Variants in DIAPH1 observed in about 807,000 individuals in gnomAD.
DIAPH1 encodes the protein protein diaphanous homolog 1.
Under a neutral mutation model 140.7 loss-of-function variants are expected in DIAPH1, and 46 were observed. The ratio of observed to expected loss-of-function variants is 0.33; its 90% confidence interval spans 0.26 to 0.42. The LOEUF (loss-of-function observed/expected upper bound fraction) is 0.42, where lower values mean the gene tolerates loss of function less well. Ranked by LOEUF, DIAPH1 falls within the 10% of genes least tolerant of loss-of-function variation. The pLI, the probability that DIAPH1 is intolerant of heterozygous loss-of-function variation, is 1.00. For missense variants in DIAPH1, 1,310 were observed against 1,558.7 expected (o/e 0.84, Z 2.69); for synonymous variants, 565 against 551.6 (o/e 1.02, Z -0.34).
intron 13 of DIAPH1, 81 bp from the exon 14 acceptor site, chr5:141,576,375 GTCTTTTTGA>G: frequency 1.8e-6 from 2 of 1,090,640 alleles, no homozygotes; most frequent in Non-Finnish European, 2.8e-6. Flanking sequence ...CCAAAGAACA[GTCTTTTTGA>G]TCATTTTTAT....
chr5:141,586,396 A>C (rs1205024166), intron 3 of DIAPH1, among the ~76,000 whole-genome samples: 1 of 152,218 alleles, frequency 6.6e-6, no homozygotes, highest in Non-Finnish European at 1.5e-5. Context: ...TTTGAATCTG[A>C]GATCACATAT....
Position 141,529,593 on chromosome 5 carries a change from T to TA in DIAPH1, c.2676+9dup. On this transcript the variant is annotated intron_variant, in intron 20 of 27. Coordinates refer to ENST00000389054, the MANE Select transcript of DIAPH1 (RefSeq NM_005219.5). ...AGAGCCTGCTCCAGCAGAACCACCT[T>TA]ACTCCTTACCTGGATCATAGACTCA... The TA allele has an allele frequency of 6.2e-7, 1 of 1,610,146 alleles. No individual in the cohort carries two copies. Among genetic ancestry groups the TA allele is most frequent in the Non-Finnish European group, 8.5e-7 (1 of 1,176,308 alleles).
intron 1 of DIAPH1, among the ~76,000 whole-genome samples, chr5:141,598,530 T>C (rs2099899670): frequency 6.6e-6 from 1 of 152,166 alleles, no homozygotes; most frequent in Non-Finnish European, 1.5e-5. Flanking sequence ...ACTAAGACCA[T>C]CCATCAACAT....
chr5:141,595,331 G>A (rs2099899143), intron 1 of DIAPH1, among the ~76,000 whole-genome samples: 1 of 152,212 alleles, frequency 6.6e-6, no homozygotes, highest in Non-Finnish European at 1.5e-5. Flanking sequence ...TGATGCTGAT[G>A]TGTTAATGCA....
chr5:141,524,585 C>CTA (rs1303272794), intron 26 of DIAPH1: 6 of 364,224 alleles, frequency 1.6e-5, no homozygotes, highest in African/African-American at 1.3e-4. Context: ...TACTAAGCAA[C>CTA]TATATCACTC....
chr5:141,584,062 A>C, intron 4 of DIAPH1, 62 bp downstream of exon 4: 1 of 1,105,446 alleles, frequency 9.0e-7, no homozygotes. Flanking sequence ...TTGGCAAAAA[A>C]AAAACAGGTC....
intron 15 of DIAPH1, 47 bp downstream of exon 15, chr5:141,574,919 TG>T (rs755002129): frequency 1.2e-6 from 2 of 1,607,540 alleles, no homozygotes; most frequent in Non-Finnish European, 1.7e-6. Context: ...CCAAGCCATG[TG>T]CATCCTGAGG....
intron 16 of DIAPH1, among the ~76,000 whole-genome samples, chr5:141,572,483 T>C (rs745351699): frequency 2.5e-4 from 38 of 152,098 alleles, no homozygotes; most frequent in Non-Finnish European, 4.9e-4. Flanking sequence ...AAACACATCA[T>C]GGGAACAATA....
At chr5:141,517,285 A>C (rs905960458) in intron 27 of DIAPH1, among the ~76,000 whole-genome samples, 3 of 152,220 alleles carry the variant, frequency 2.0e-5, no homozygotes, top group Non-Finnish European at 2.9e-5. Context: ...GACAGACAGA[A>C]CTGGGCTGAA....
intron 18 of DIAPH1, chr5:141,560,994 G>C (rs780486219): frequency 4.4e-6 from 2 of 451,966 alleles, no homozygotes; most frequent in Non-Finnish European, 8.9e-6. Context: ...AAAGTCACCT[G>C]ATCTTCTCCT....
chr5:141,583,975 A>G (rs1018973364), intron 4 of DIAPH1, 149 bp downstream of exon 4: 7 of 653,370 alleles, frequency 1.1e-5, no homozygotes, highest in East Asian at 8.2e-5. Flanking sequence ...CGGTAACTAA[A>G]TAAGACAGTA....
intron 1 of DIAPH1, among the ~76,000 whole-genome samples, chr5:141,601,649 T>C (rs1186666179): frequency 5.3e-5 from 8 of 152,186 alleles, no homozygotes; most frequent in East Asian, 1.9e-4. Flanking sequence ...CCAGACTAAA[T>C]TGCATGAGGG....
chr5:141,591,868 G>C (rs2099898537), intron 1 of DIAPH1, among the ~76,000 whole-genome samples: 1 of 150,174 alleles, frequency 6.7e-6, no homozygotes, highest in African/African-American at 2.5e-5. Context: ...TGGATCACGA[G>C]ATCAGGAGTT....
At chr5:141,574,736 AACTT>A (rs1442236742) in intron 15 of DIAPH1, among the ~76,000 whole-genome samples, 1 of 152,132 alleles carries the variant, frequency 6.6e-6, no homozygotes, top group Admixed American at 6.6e-5. Flanking sequence ...GTGGTAATGA[AACTT>A]ACTTTATTCT....
At chr5:141,525,696 A>C (rs1261606301) in intron 26 of DIAPH1, among the ~76,000 whole-genome samples, 2 of 152,182 alleles carry the variant, frequency 1.3e-5, no homozygotes, top group African/African-American at 4.8e-5. Context: ...ACAGAAAAAA[A>C]CCCGAAAGAT....
rs35755269 is a variant in DIAPH1 at position 141,516,905 on chromosome 5, C to T, written c.3765G>A (p.Glu1255=). 2,582 of 1,614,236 alleles carry T rather than the reference C, an allele frequency of 1.6e-3. 43 individuals carry two copies. In the African/African-American group the frequency reaches 0.031, roughly 19 times the overall value. ...AVPAKVSKNS[E]TFPTILEEAK... ...CTTCCTCAAGGATTGTGGGGAATGT[C>T]TCACTGTTCTTGGACACCTTGGCAG... Residue 1255 remains glutamate, a synonymous_variant, in exon 28 of 28, where the codon GAG becomes GAA. Transcript: ENST00000389054.
chr5:141,567,605 T>C (rs1053155642), intron 18 of DIAPH1, among the ~76,000 whole-genome samples: 1 of 152,158 alleles, frequency 6.6e-6, no homozygotes, highest in African/African-American at 2.4e-5. Context: ...CTGAACAAGG[T>C]AGAGCAGGCT....
intron 1 of DIAPH1, among the ~76,000 whole-genome samples, chr5:141,615,502 G>T (rs1273333095): frequency 6.6e-6 from 1 of 151,902 alleles, no homozygotes; most frequent in Non-Finnish European, 1.5e-5. Flanking sequence ...AGCACTTTGG[G>T]AGGCCGAGGT....
At chr5:141,603,540 T>C (rs948692076) in intron 1 of DIAPH1, among the ~76,000 whole-genome samples, 1 of 152,208 alleles carries the variant, frequency 6.6e-6, no homozygotes, top group South Asian at 2.1e-4. Context: ...TGAAAGATTC[T>C]AGGCAGTGGC....
Sources: gnomAD v4.1 joint callset for allele counts (sites outside exome capture counted in the v4.1 genomes callset) on GRCh38, gnomAD v4.1.1 for gene constraint, MANE v1.5 for transcripts, NCBI Gene and HGNC (gene_info 2026-07-23, HGNC 2026-07-21) for gene names.